The following ABCA9 variants were observed in gnomAD, a reference collection of about 807,000 sequenced individuals.
ABCA9 encodes the protein ATP-binding cassette sub-family A member 9.
Under a neutral mutation model 205.3 loss-of-function variants are expected in ABCA9, and 183 were observed. The observed-to-expected ratio is 0.89, with a 90% CI of 0.79 to 1.01. ABCA9 has a LOEUF of 1.01. ABCA9 is among the 50% of genes least tolerant of loss of function. The pLI is 0.00. For synonymous variants in ABCA9, 651 were observed against 683.3 expected, an observed-to-expected ratio of 0.95 and a Z score of 0.74; for missense variants, 1,805 against 1,912.4, an observed-to-expected ratio of 0.94 and a Z score of 1.05.
upstream of ABCA9, among the ~76,000 whole-genome samples, chr17:69,065,750 T>TC (rs2072341662): frequency 6.6e-6 from 1 of 152,070 alleles, no homozygotes; most frequent in Non-Finnish European, 1.5e-5. Context: ...TTTGGCCGTG[T>TC]CCCCCCGGCA....
In ABCA9 at chr17:68,974,555, G is replaced by A. The variant is rs192280636; in HGVS notation, c.*1360C>T. 58 of 152,196 alleles carry A rather than the reference G, an allele frequency of 3.8e-4. No individual in the cohort carries two copies. The highest frequency in any genetic ancestry group is 1.4e-3 in the African/African-American group (57 of 41,540). 9.4% of individuals were successfully genotyped at this position (152,196 alleles called of 1,614,324 possible). ...ATATAAGAACTAAAATCAAAGCCAA[G>A]GTCTTTCACACAACTTCCTTCAAGT... On this transcript the variant is annotated 3_prime_UTR_variant, in exon 39 of 39. Coordinates refer to ENST00000340001, the MANE Select transcript of ABCA9 (RefSeq NM_080283.4).
At chr17:69,033,621 A>G in intron 9 of ABCA9, 105 bp downstream of exon 9, 1 of 1,004,416 alleles carries the variant, frequency 1.0e-6, no homozygotes. Context: ...TGTTGTAGAA[A>G]TTTTGAAAAA....
chr17:69,001,996 ATTC>A (rs2069892805), intron 25 of ABCA9, among the ~76,000 whole-genome samples: 1 of 151,286 alleles, frequency 6.6e-6, no homozygotes, highest in Non-Finnish European at 1.5e-5. Context: ...CATCTATTTG[ATTC>A]TTCTCTCTTT....
In ABCA9 at chr17:68,987,064, T is replaced by TCTAA. The variant is rs2069261342; in HGVS notation, c.4048-741_4048-740insTTAG. Among the ~76,000 whole-genome samples, 18 of 152,380 alleles carry TCTAA rather than the reference T, an allele frequency of 1.2e-4. 1 individual carries two copies. In the South Asian group the frequency reaches 3.7e-3, roughly 32 times the overall value. ...TCTAATGTGTCCTCAGTGCTTCCTA[T>TCTAA]GTGCCAGAATCTAAGCATATAATAT... is the stretch of plus-strand genomic sequence containing the variant. On this transcript the variant is annotated intron_variant, in intron 31 of 38. Transcript: ENST00000340001.
chr17:69,000,143 T>G (rs1225632055), intron 25 of ABCA9, among the ~76,000 whole-genome samples: 1 of 151,862 alleles, frequency 6.6e-6, no homozygotes, highest in Non-Finnish European at 1.5e-5. Context: ...AGATCCCATT[T>G]GTCAATTTTG....
Position 69,060,882 on chromosome 17 carries a change from G to A in ABCA9, c.-30C>T, listed in dbSNP as rs1207687296. On this transcript the variant is annotated 5_prime_UTR_variant, in exon 1 of 39. Transcript: ENST00000340001. ...TTAACTTACTCTCAGGAAAGCTGGA[G>A]GAAAAATCTAGAAACACAGTTCATC... 7 of 985,276 alleles carry A rather than the reference G, an allele frequency of 7.1e-6. No homozygotes were observed. Among genetic ancestry groups the A allele is most frequent in the Non-Finnish European group, 7.2e-6 (6 of 829,936 alleles). The allele number at this position is 985,276 out of a possible 1,614,324, so 61.0% of individuals were successfully genotyped here. A position where few individuals can be genotyped will look rare whatever the true frequency, so the allele number is the denominator to read the frequency against.
the ABCA9 span, among the ~76,000 whole-genome samples, chr17:69,068,002 C>G: frequency 6.6e-6 from 1 of 152,208 alleles, no homozygotes; most frequent in African/African-American, 2.4e-5. Flanking sequence ...CTAGGCCCCA[C>G]TCCACAATAT....
chr17:68,992,852 C>CGTGT (rs113669731), intron 27 of ABCA9, among the ~76,000 whole-genome samples, 164 bp downstream of exon 27: 9 of 148,446 alleles, frequency 6.1e-5, no homozygotes, highest in South Asian at 2.1e-4. Context: ...TAAAAGCCAT[C>CGTGT]GTGTGTGTGT....
Position 69,027,095 on chromosome 17 carries a change from G to A in ABCA9, c.1931C>T (p.Pro644Leu), listed in dbSNP as rs773108471. Residue 644 changes from proline to leucine, a missense_variant, in exon 15 of 39, where the codon CCG becomes CTG. Pro to Leu is a moderately conservative substitution (Grantham distance 98). Coordinates refer to ENST00000340001, the MANE Select transcript of ABCA9 (RefSeq NM_080283.4). ...TGAAAGAGGATCCAATCCAGCAGTC[G>A]GTTCATCCAATAGCAAAACCTGGAC... The part of the protein sequence containing the change: ...GDPQVLLLDE[P>L]TAGLDPLSRH... The A allele has an allele frequency of 1.5e-5, 25 of 1,613,834 alleles. 1 individual carries two copies. Among genetic ancestry groups the A allele is most frequent in the East Asian group, 4.5e-5 (2 of 44,898 alleles).
chr17:69,015,060 C>T (rs529566953), intron 22 of ABCA9, among the ~76,000 whole-genome samples: 10 of 152,150 alleles, frequency 6.6e-5, no homozygotes, highest in African/African-American at 1.2e-4. Flanking sequence ...AGCTCCAGCT[C>T]TCCATTCTTC....
chr17:69,037,755 C>CA (rs971445999), intron 6 of ABCA9, among the ~76,000 whole-genome samples: 52 of 149,656 alleles, frequency 3.5e-4, no homozygotes, highest in South Asian at 2.1e-3. Flanking sequence ...AAAAACCCTG[C>CA]AAAAAAAATC....
At chr17:69,009,781 A>G (rs1376475632) in intron 23 of ABCA9, among the ~76,000 whole-genome samples, 1 of 152,206 alleles carries the variant, frequency 6.6e-6, no homozygotes, top group African/African-American at 2.4e-5. Context: ...GAAAGATTCC[A>G]TAAATATTTC....
At chr17:69,068,001 A>G in the ABCA9 span, among the ~76,000 whole-genome samples, 1 of 152,244 alleles carries the variant, frequency 6.6e-6, no homozygotes, top group East Asian at 1.9e-4. Context: ...TCTAGGCCCC[A>G]CTCCACAATA....
chr17:69,030,611 C>T (rs1298900853), intron 10 of ABCA9, among the ~76,000 whole-genome samples: 1 of 152,168 alleles, frequency 6.6e-6, no homozygotes, highest in Non-Finnish European at 1.5e-5. Flanking sequence ...AAGTTGAGCA[C>T]GTATGGATTC....
chr17:69,055,611 C>T (rs1056612339), intron 1 of ABCA9, among the ~76,000 whole-genome samples: 2 of 152,088 alleles, frequency 1.3e-5, no homozygotes, highest in African/African-American at 4.8e-5. Context: ...ATCCAGCAGG[C>T]AGAAAATAAA....
At chr17:69,018,339 G>T in intron 20 of ABCA9, 74 bp downstream of exon 20, 1 of 1,283,730 alleles carries the variant, frequency 7.8e-7, no homozygotes, top group Non-Finnish European at 1.0e-6. Flanking sequence ...TTTTTTCTTG[G>T]CTGTTCATGT....
chr17:68,996,428 A>C (rs2069627197), intron 25 of ABCA9, among the ~76,000 whole-genome samples: 1 of 152,224 alleles, frequency 6.6e-6, no homozygotes, highest in South Asian at 2.1e-4. Context: ...AAAATTCAAC[A>C]ACTTTGCCTT....
At position 68,985,052 on chromosome 17, in the gene ABCA9, C is replaced by A. The variant is rs754240514; in HGVS notation, c.4284+1G>T. On this transcript the variant is annotated splice_donor_variant, in intron 33 of 38. Transcript: ENST00000340001. LOFTEE classifies it high-confidence loss of function. Reference sequence around the variant, plus strand: ...AGAGCAACAACAAGCCCTGCCCGTACCTTTCGCTTTATTCCCTCTGACAAG... The same window carrying A: ...AGAGCAACAACAAGCCCTGCCCGTAACTTTCGCTTTATTCCCTCTGACAAG... 5.0e-6 allele frequency: 8 copies of A among 1,614,098 alleles called. No individual in the cohort carries two copies. The African/African-American group carries it at 5.3e-5, about 11-fold the overall frequency.
At chr17:68,984,462 A>G (rs1357551877) in intron 34 of ABCA9, among the ~76,000 whole-genome samples, 1 of 152,258 alleles carries the variant, frequency 6.6e-6, no homozygotes, top group Non-Finnish European at 1.5e-5. Context: ...GAATTTACTA[A>G]AAAGCTTGAT....
Sources: gnomAD v4.1 joint callset for allele counts (sites outside exome capture counted in the v4.1 genomes callset) on GRCh38, gnomAD v4.1.1 for gene constraint, MANE v1.5 for transcripts, NCBI Gene and HGNC (gene_info 2026-07-23, HGNC 2026-07-21) for gene names.